PAX5: variants seen among roughly 807,000 people sequenced by gnomAD.
PAX5 encodes the protein paired box protein Pax-5.
A neutral mutation model predicts 43.7 loss-of-function variants in PAX5; 9 were observed. That is an observed-to-expected ratio of 0.21 (90% CI 0.12 to 0.36). The LOEUF is 0.36. Ranked by LOEUF, PAX5 falls within the 10% of genes least tolerant of loss-of-function variation. The probability of loss-of-function intolerance (pLI) is 1.00; values close to 1 mark genes in which losing one functional copy is unlikely to be tolerated. For missense variants in PAX5, 383 were observed against 532.7 expected (o/e 0.72, Z 2.77); for synonymous variants, 228 against 214.3 (o/e 1.06, Z -0.56).
At chr9:37,030,756 C>T (rs935791256) in intron 1 of PAX5, among the ~76,000 whole-genome samples, 2 of 152,212 alleles carry the variant, frequency 1.3e-5, no homozygotes, top group African/African-American at 4.8e-5. Context: ...TCCCTTTCCA[C>T]GCCTCCCAGC....
chr9:36,843,128 G>A (rs370035258), intron 9 of PAX5, among the ~76,000 whole-genome samples: 111 of 151,932 alleles, frequency 7.3e-4, no homozygotes, highest in African/African-American at 2.3e-3. Context: ...GTGAGCGTGC[G>A]TCTGTGTGTG....
At chr9:36,866,236 G>C (rs560901275) in intron 8 of PAX5, among the ~76,000 whole-genome samples, 3 of 152,252 alleles carry the variant, frequency 2.0e-5, no homozygotes, top group African/African-American at 7.2e-5. Flanking sequence ...CAGAACCTCA[G>C]TTGGGGTCGT....
In PAX5 at chr9:36,910,289, G is replaced by A. The variant is rs374947498; in HGVS notation, c.910+13066C>T. 7.0e-4 allele frequency among the ~76,000 whole-genome samples: 106 copies of A among 151,968 alleles called. 2 individuals carry two copies. Among genetic ancestry groups the A allele is most frequent in the East Asian group, 1.2e-3 (6 of 5,180 alleles). Reference sequence around the variant, plus strand: ...TGCATTCCCATTGTCCCTTTTTTACGCAAAGGCAGCATGCTGTATACACTA... The same window carrying A: ...TGCATTCCCATTGTCCCTTTTTTACACAAAGGCAGCATGCTGTATACACTA... On this transcript the variant is annotated intron_variant, in intron 7 of 9. Coordinates refer to ENST00000358127, the MANE Select transcript of PAX5 (RefSeq NM_016734.3).
rs553461457 is a variant in PAX5, at chr9:37,030,621, G to T, written c.46+3365C>A. ...GAGACCGCGAAAGGAAACTATCCAG[G>T]AAGAAACTCAATTTATGTGAACCGA... On this transcript the variant is annotated intron_variant, in intron 1 of 9. Transcript: ENST00000358127. 3.6e-3 allele frequency among the ~76,000 whole-genome samples: 554 copies of T among 152,334 alleles called. 3 individuals carry two copies. The highest frequency in any genetic ancestry group is 0.012 in the African/African-American group (510 of 41,572).
intron 8 of PAX5, among the ~76,000 whole-genome samples, chr9:36,875,552 C>G (rs541320006): frequency 6.6e-6 from 1 of 152,050 alleles, no homozygotes; most frequent in Non-Finnish European, 1.5e-5. Flanking sequence ...GTGGCCCCCC[C>G]CAAAAATGTC....
At chr9:37,017,690 TG>T (rs1839501415) in intron 2 of PAX5, among the ~76,000 whole-genome samples, 3 of 152,230 alleles carry the variant, frequency 2.0e-5, no homozygotes, top group Admixed American at 6.5e-5. Flanking sequence ...CCCCCCAGCC[TG>T]GCCCCCACTT....
chr9:36,988,038 GA>G (rs1304264447), intron 5 of PAX5, among the ~76,000 whole-genome samples: 3 of 152,202 alleles, frequency 2.0e-5, no homozygotes, highest in African/African-American at 7.2e-5. Context: ...AAGAAGGAGG[GA>G]GGGGGAGCGG....
chr9:36,868,975 C>A (rs1241742384), intron 8 of PAX5, among the ~76,000 whole-genome samples: 11 of 152,322 alleles, frequency 7.2e-5, no homozygotes, highest in African/African-American at 2.6e-4. Context: ...GTAGAATGAG[C>A]TTACGGGCAT....
At chr9:37,023,542 G>T (rs1233529028) in intron 1 of PAX5, among the ~76,000 whole-genome samples, 2 of 152,314 alleles carry the variant, frequency 1.3e-5, no homozygotes, top group Middle Eastern at 3.4e-3. Context: ...GCAGTGTTTG[G>T]AGGGGAGTGA....
At chr9:36,850,689 G>A (rs1031913001) in intron 8 of PAX5, among the ~76,000 whole-genome samples, 1 of 152,206 alleles carries the variant, frequency 6.6e-6, no homozygotes, top group Non-Finnish European at 1.5e-5. Context: ...GTAGGTGCCA[G>A]CTTACATCGG....
At chr9:36,950,741 T>C (rs1832929205) in intron 6 of PAX5, among the ~76,000 whole-genome samples, 1 of 147,524 alleles carries the variant, frequency 6.8e-6, no homozygotes, top group Non-Finnish European at 1.5e-5. Flanking sequence ...TTTTCTTTTT[T>C]TTTTTTTTTT....
intron 6 of PAX5, among the ~76,000 whole-genome samples, chr9:36,956,296 T>A (rs1044021854): frequency 5.9e-5 from 9 of 152,248 alleles, no homozygotes; most frequent in African/African-American, 2.2e-4. Context: ...TCTTTGACAA[T>A]TCACTTGTAA....
intron 6 of PAX5, among the ~76,000 whole-genome samples, chr9:36,957,698 T>TC (rs1182884572): frequency 6.6e-6 from 1 of 152,216 alleles, no homozygotes; most frequent in Non-Finnish European, 1.5e-5. Flanking sequence ...ATTAACACTT[T>TC]CTATGCGTGC....
intron 8 of PAX5, among the ~76,000 whole-genome samples, chr9:36,847,263 G>C (rs1822682100): frequency 6.6e-6 from 1 of 152,188 alleles, no homozygotes; most frequent in Admixed American, 6.5e-5. Flanking sequence ...TGATGCCCAG[G>C]TCGTCTCACA....
chr9:36,884,812 C>T (rs750110054), intron 7 of PAX5, among the ~76,000 whole-genome samples: 1 of 152,216 alleles, frequency 6.6e-6, no homozygotes, highest in Non-Finnish European at 1.5e-5. Context: ...TGTGTCGACT[C>T]CAGCCTTGTG....
At chr9:36,858,763 G>A (rs566790931) in intron 8 of PAX5, among the ~76,000 whole-genome samples, 1 of 152,210 alleles carries the variant, frequency 6.6e-6, no homozygotes, top group South Asian at 2.1e-4. Flanking sequence ...TCAGCCCAAA[G>A]CTGACTTACT....
At chr9:36,849,357 A>G (rs971279629) in intron 8 of PAX5, among the ~76,000 whole-genome samples, 3 of 152,074 alleles carry the variant, frequency 2.0e-5, no homozygotes, top group African/African-American at 7.2e-5. Context: ...GCTGATCACA[A>G]TCCAACCTGT....
chr9:36,871,720 C>T (rs1825511182), intron 8 of PAX5, among the ~76,000 whole-genome samples: 1 of 152,198 alleles, frequency 6.6e-6, no homozygotes, highest in African/African-American at 2.4e-5. Context: ...GATCTGGGGC[C>T]TGCCAACCAC....
intron 1 of PAX5, among the ~76,000 whole-genome samples, chr9:37,024,507 C>G (rs1308491344): frequency 6.6e-6 from 1 of 152,194 alleles, no homozygotes; most frequent in East Asian, 1.9e-4. Context: ...CCCCCACTCC[C>G]CATTGCTAGC....
Sources: allele counts gnomAD v4.1 joint callset (sites outside exome capture counted in the v4.1 genomes callset), GRCh38; gene constraint gnomAD v4.1.1; transcripts MANE v1.5; gene names NCBI Gene and HGNC (gene_info 2026-07-23, HGNC 2026-07-21).